The following CAMK2D variants were observed in gnomAD, a reference collection of about 807,000 sequenced individuals.
The protein encoded by CAMK2D is calcium/calmodulin-dependent protein kinase type II subunit delta.
Under a neutral mutation model 84.0 loss-of-function variants are expected in CAMK2D, and 37 were observed. The observed-to-expected ratio is 0.44, with a 90% confidence interval of 0.34 to 0.58. CAMK2D has a LOEUF of 0.58. Ranked by LOEUF, CAMK2D falls within the 20% of genes least tolerant of loss-of-function variation. CAMK2D has a pLI of 0.02. For missense variants in CAMK2D, 448 were observed against 652.5 expected, an observed-to-expected ratio of 0.69 and a Z score of 3.41; for synonymous variants, 202 against 212.5, an observed-to-expected ratio of 0.95 and a Z score of 0.43.
At chr4:113,526,035 G>A (rs4834349) in intron 8 of CAMK2D, among the ~76,000 whole-genome samples, 118,248 of 152,158 alleles carry the variant, frequency 0.78, 47,073 homozygotes, top group African/African-American at 0.95. Flanking sequence ...TCACACGAGT[G>A]AGGTGATATA....
At chr4:113,493,486 C>T (rs1171626540) in intron 16 of CAMK2D, among the ~76,000 whole-genome samples, 1 of 152,140 alleles carries the variant, frequency 6.6e-6, no homozygotes, top group Non-Finnish European at 1.5e-5. Flanking sequence ...TCTCTTCTGG[C>T]TTGTAGGGTT....
rs2097317081 is a variant in CAMK2D at position 113,457,498 on chromosome 4, C to T, written c.1372G>A (p.Asp458Asn). ...ATATATGCTATGCAGGCGGCATCAT[C>T]CCCTACCAGATGTACATGAGGGTTT... The part of the protein sequence containing the change: ...ILNPHVHLVG[D>N]DAACIAYIRL... The change falls in exon 19 of 21, where the codon GAT becomes AAT. Residue 458 changes from aspartate to asparagine, a missense_variant. Asp to Asn is a conservative substitution (Grantham distance 23). Transcript: ENST00000511664. 6.2e-7 allele frequency: 1 copy of T among 1,613,380 alleles called. No individual in the cohort carries two copies.
In CAMK2D at chr4:113,509,760, T is replaced by A. The variant is rs141992099; in HGVS notation, c.947-85A>T. ...ACAAAGCAGTCAGGTTATTGTCTCC[T>A]TCTACCACCTTTGCTGAGTTCTGGC... On this transcript the variant is annotated intron_variant, in intron 12 of 20. Transcript: ENST00000511664. The A allele has an allele frequency of 6.5e-6, 6 of 930,012 alleles. No individual in the cohort carries two copies. The East Asian group carries it at 1.5e-4, about 23-fold the overall frequency. The allele number at this position is 930,012 out of a possible 1,614,324, so 57.6% of individuals were successfully genotyped here. A position where few individuals can be genotyped will look rare whatever the true frequency, so the allele number is the denominator to read the frequency against.
In CAMK2D at chr4:113,452,882, A is replaced by G. The variant is rs2097267176; in HGVS notation, c.*1663T>C. ...TTATCAGAAAAGCTTCAACCCATCT[A>G]CCATACATCCACTAGCAATAATATC... On this transcript the variant is annotated 3_prime_UTR_variant, in exon 21 of 21. Coordinates refer to ENST00000511664, the MANE Select transcript of CAMK2D (RefSeq NM_001321571.2). The G allele has an allele frequency of 6.6e-6, 1 of 152,584 alleles. No individual in the cohort carries two copies. Among genetic ancestry groups the G allele is most frequent in the Non-Finnish European group, 1.5e-5 (1 of 68,036 alleles). The allele number at this position is 152,584 out of a possible 1,614,324, so 9.5% of individuals were successfully genotyped here. A position where few individuals can be genotyped will look rare whatever the true frequency, so the allele number is the denominator to read the frequency against.
intron 4 of CAMK2D, among the ~76,000 whole-genome samples, chr4:113,604,907 C>CA (rs1484103079): frequency 1.3e-5 from 2 of 152,122 alleles, no homozygotes; most frequent in Non-Finnish European, 1.5e-5. Context: ...GGAAAACTGG[C>CA]ATAGTAGAAG....
At chr4:113,481,314 T>C (rs1380472211) in intron 16 of CAMK2D, among the ~76,000 whole-genome samples, 1 of 152,110 alleles carries the variant, frequency 6.6e-6, no homozygotes, top group South Asian at 2.1e-4. Flanking sequence ...ACTATGAATA[T>C]GGCTATAAAC....
intron 2 of CAMK2D, among the ~76,000 whole-genome samples, chr4:113,691,825 T>A (rs1226215315): frequency 6.6e-6 from 1 of 152,134 alleles, no homozygotes; most frequent in Non-Finnish European, 1.5e-5. Context: ...CCAAATACAT[T>A]TGCCACACTA....
chr4:113,746,586 T>C (rs1460049902), intron 2 of CAMK2D, among the ~76,000 whole-genome samples: 3 of 152,158 alleles, frequency 2.0e-5, no homozygotes, highest in African/African-American at 7.2e-5. Flanking sequence ...CAATTAAATC[T>C]TGTTTTCCCT....
rs111782166 is a variant in CAMK2D at position 113,627,912 on chromosome 4, A to C, written c.221-18706T>G. 3.1e-3 allele frequency among the ~76,000 whole-genome samples: 477 copies of C among 152,314 alleles called. 3 individuals carry two copies. The highest frequency in any genetic ancestry group is 9.7e-3 in the African/African-American group (403 of 41,590). On this transcript the variant is annotated intron_variant, in intron 3 of 20. Coordinates refer to ENST00000511664, the MANE Select transcript of CAMK2D (RefSeq NM_001321571.2). ...GCTTCAAGTACAGATGGGATTACAA[A>C]TAAATTTTCCAAGAGCAGGCAAACT... is the stretch of plus-strand genomic sequence containing the variant.
chr4:113,584,785 G>A (rs998120863), intron 4 of CAMK2D, among the ~76,000 whole-genome samples: 2 of 152,128 alleles, frequency 1.3e-5, no homozygotes, highest in African/African-American at 2.4e-5. Flanking sequence ...CAGTTAAATT[G>A]TGGTGGTTTC....
At chr4:113,543,072 C>T (rs1328382705) in intron 6 of CAMK2D, among the ~76,000 whole-genome samples, 4 of 152,218 alleles carry the variant, frequency 2.6e-5, no homozygotes, top group African/African-American at 4.8e-5. Flanking sequence ...GTAACCATTT[C>T]GGGTACATTT....
At chr4:113,517,909 CAGGGCAACATTCATTT>C (rs2098306567) in intron 8 of CAMK2D, among the ~76,000 whole-genome samples, 1 of 152,164 alleles carries the variant, frequency 6.6e-6, no homozygotes, top group African/African-American at 2.4e-5. Context: ...AGAGGCATGG[CAGGGCAACATTCATTT>C]AGGGCAACAT....
intron 2 of CAMK2D, among the ~76,000 whole-genome samples, chr4:113,707,380 C>T (rs567192200): frequency 4.6e-5 from 7 of 152,080 alleles, no homozygotes; most frequent in Non-Finnish European, 7.4e-5. Flanking sequence ...TGAGGGAATG[C>T]TTTATAATGT....
chr4:113,641,931 A>C (rs1415141837), intron 3 of CAMK2D, among the ~76,000 whole-genome samples: 5 of 151,968 alleles, frequency 3.3e-5, no homozygotes, highest in African/African-American at 4.8e-5. Flanking sequence ...AATCACTTGA[A>C]CCCGGGAGGT....
intron 4 of CAMK2D, among the ~76,000 whole-genome samples, chr4:113,580,235 C>T (rs968935024): frequency 3.9e-5 from 6 of 152,176 alleles, no homozygotes; most frequent in Non-Finnish European, 8.8e-5. Flanking sequence ...AATAACTTAA[C>T]ACTCCTCAGT....
intron 4 of CAMK2D, among the ~76,000 whole-genome samples, chr4:113,605,427 C>T (rs572156193): frequency 2.6e-5 from 4 of 152,244 alleles, no homozygotes; most frequent in East Asian, 1.9e-4. Context: ...TTCTCATGCC[C>T]CAGGCACTGA....
intron 2 of CAMK2D, among the ~76,000 whole-genome samples, chr4:113,704,850 T>C (rs969445763): frequency 6.6e-5 from 10 of 152,128 alleles, no homozygotes; most frequent in Admixed American, 2.6e-4. Flanking sequence ...TTTACAGTTC[T>C]GGAAGTTATA....
chr4:113,700,922 A>G (rs962325113), intron 2 of CAMK2D, among the ~76,000 whole-genome samples: 6 of 152,228 alleles, frequency 3.9e-5, no homozygotes, highest in Admixed American at 3.9e-4. Flanking sequence ...GGAAATATCC[A>G]TCACAGTCCA....
intron 3 of CAMK2D, among the ~76,000 whole-genome samples, chr4:113,630,616 G>T (rs2099085706): frequency 6.6e-6 from 1 of 152,120 alleles, no homozygotes; most frequent in Non-Finnish European, 1.5e-5. Context: ...TATGTCAACT[G>T]CCAATGCCAC....
Sources: gnomAD v4.1 joint callset for allele counts (sites outside exome capture counted in the v4.1 genomes callset) on GRCh38, gnomAD v4.1.1 for gene constraint, MANE v1.5 for transcripts, NCBI Gene and HGNC (gene_info 2026-07-23, HGNC 2026-07-21) for gene names.